Variants in ZPBP observed in about 807,000 individuals in gnomAD.
The protein encoded by ZPBP is zona pellucida binding protein, also known as zona pellucida-binding protein 1.
ZPBP carries 26 observed loss-of-function variants against 44.8 expected under a neutral mutation model. The ratio of observed to expected loss-of-function variants is 0.58; its 90% CI spans 0.43 to 0.81. The LOEUF (loss-of-function observed/expected upper bound fraction) is 0.81, where lower values mean the gene tolerates loss of function less well. Among genes scored for constraint, ZPBP ranks in the 30% least tolerant of loss-of-function variants. ZPBP has a pLI of 0.00. For synonymous variants in ZPBP, 174 were observed against 153.2 expected, an observed-to-expected ratio of 1.14 and a Z score of -1.00; for missense variants, 409 against 434.0, an observed-to-expected ratio of 0.94 and a Z score of 0.51.
At chr7:50,082,689 T>C (rs1487130448) in intron 2 of ZPBP, among the ~76,000 whole-genome samples, 1 of 151,898 alleles carries the variant, frequency 6.6e-6, no homozygotes, top group African/African-American at 2.4e-5. Context: ...TAAAGCATGA[T>C]GTTTATTGAA....
At chr7:49,989,648 T>C (rs1486899446) in intron 6 of ZPBP, among the ~76,000 whole-genome samples, 1 of 152,216 alleles carries the variant, frequency 6.6e-6, no homozygotes, top group East Asian at 1.9e-4. Context: ...CATTCATTAG[T>C]TGCTTTTAAG....
chr7:49,934,053 T>A (rs373317177), downstream of ZPBP, among the ~76,000 whole-genome samples: 1 of 142,874 alleles, frequency 7.0e-6, no homozygotes. Context: ...AAAGTATAAT[T>A]AAAAAAAAAA....
intron 4 of ZPBP, among the ~76,000 whole-genome samples, chr7:50,034,000 A>G (rs969674416): frequency 3.3e-5 from 5 of 152,046 alleles, no homozygotes; most frequent in African/African-American, 1.2e-4. Context: ...GCCTTGCTAC[A>G]GTTTATATAA....
chr7:49,945,673 T>A (rs142817553), intron 7 of ZPBP, among the ~76,000 whole-genome samples: 2 of 152,248 alleles, frequency 1.3e-5, no homozygotes, highest in East Asian at 3.9e-4. Context: ...CCTGCTCTTT[T>A]CTGGTTTTGC....
intron 6 of ZPBP, among the ~76,000 whole-genome samples, chr7:49,990,341 C>T (rs911682761): frequency 6.6e-5 from 10 of 152,134 alleles, no homozygotes; most frequent in South Asian, 4.1e-4. Flanking sequence ...GGGTGAAAGC[C>T]GCTTTGACAC....
At chr7:49,917,030 T>C (rs1793760201) in intron 1 of ZPBP, 1 of 152,224 alleles carries the variant, frequency 6.6e-6, no homozygotes, top group Non-Finnish European at 1.5e-5. Flanking sequence ...TTGTTTACTT[T>C]CTTATTTCTA....
chr7:49,914,948 T>C (rs1049837992), intron 1 of ZPBP: 1 of 152,238 alleles, frequency 6.6e-6, no homozygotes, highest in Non-Finnish European at 1.5e-5. Flanking sequence ...AAATGATTTG[T>C]TCAAGTTAAT....
chr7:50,069,199 A>T (rs1801696489), intron 3 of ZPBP, among the ~76,000 whole-genome samples: 1 of 152,150 alleles, frequency 6.6e-6, no homozygotes, highest in Non-Finnish European at 1.5e-5. Context: ...AGCCTGGTAA[A>T]TGGGTAGATT....
intron 7 of ZPBP, among the ~76,000 whole-genome samples, chr7:49,982,247 T>C (rs1487313781): frequency 9.1e-6 from 1 of 109,412 alleles, no homozygotes; most frequent in African/African-American, 3.6e-5. Context: ...ATAATTATAT[T>C]ATATATTTAT....
chr7:49,944,682 G>C (rs1385998509), intron 7 of ZPBP, among the ~76,000 whole-genome samples: 2 of 151,992 alleles, frequency 1.3e-5, no homozygotes, highest in African/African-American at 4.8e-5. Context: ...AGCCTCTAAT[G>C]ATCCTTTGAA....
At chr7:50,021,113 G>T (rs1799072947) in intron 5 of ZPBP, among the ~76,000 whole-genome samples, 2 of 151,926 alleles carry the variant, frequency 1.3e-5, no homozygotes, top group African/African-American at 2.4e-5. Context: ...AAAAAAAATA[G>T]TAGTTATATA....
At chr7:50,087,424 G>A (rs560828511) in intron 2 of ZPBP, among the ~76,000 whole-genome samples, 12 of 152,010 alleles carry the variant, frequency 7.9e-5, no homozygotes, top group African/African-American at 2.2e-4. Context: ...CATTATCGTC[G>A]CCATACATGG....
chr7:49,958,070 C>T (rs1486105167), intron 7 of ZPBP, among the ~76,000 whole-genome samples: 1 of 152,204 alleles, frequency 6.6e-6, no homozygotes, highest in Admixed American at 6.5e-5. Flanking sequence ...TTATCCCTTT[C>T]TTCTTGCCTA....
chr7:50,008,556 T>G (rs1343641484), intron 6 of ZPBP, among the ~76,000 whole-genome samples: 1 of 152,012 alleles, frequency 6.6e-6, no homozygotes, highest in African/African-American at 2.4e-5. Context: ...AGACCCTTAC[T>G]TGCCCAACAA....
chr7:50,036,185 G>T (rs1020092164), intron 4 of ZPBP, among the ~76,000 whole-genome samples: 2 of 152,182 alleles, frequency 1.3e-5, no homozygotes, highest in African/African-American at 4.8e-5. Context: ...ACAGAGTCTT[G>T]CCCTGTTGCC....
intron 2 of ZPBP, among the ~76,000 whole-genome samples, chr7:49,896,519 A>G (rs557629938): frequency 4.6e-5 from 7 of 152,208 alleles, no homozygotes; most frequent in Non-Finnish European, 7.3e-5. Context: ...AAAGCAATGG[A>G]AAGAAAAAAT....
chr7:50,092,922 T>TA (rs1373188685), intron 1 of ZPBP, 146 bp downstream of exon 1: 2 of 1,266,432 alleles, frequency 1.6e-6, no homozygotes, highest in Admixed American at 3.2e-5. Flanking sequence ...ACGACTTCCA[T>TA]AAAAAATAAG....
intron 7 of ZPBP, among the ~76,000 whole-genome samples, chr7:49,951,283 C>G (rs1005413776): frequency 6.6e-6 from 1 of 151,574 alleles, no homozygotes; most frequent in Non-Finnish European, 1.5e-5. Context: ...AAGCAGAGAA[C>G]AGGTAAAAAT....
rs367989305 is a variant in ZPBP, at chr7:49,862,326, C to T, written n.510-11812G>A. On this transcript the variant is annotated intron_variant and non_coding_transcript_variant, in intron 2 of 2. Transcript: ENST00000465922. ...TTTTTTTGTGTGTCAATCTTGTAAC[C>T]AGCAAGTTTTCTGAGTTCAATTATT... Among the ~76,000 whole-genome samples, 232 of 152,200 alleles carry T rather than the reference C, an allele frequency of 1.5e-3. 3 individuals carry two copies. Among genetic ancestry groups the T allele is most frequent in the African/African-American group, 5.3e-3 (222 of 41,550 alleles).
Sources: allele counts gnomAD v4.1 joint callset (sites outside exome capture counted in the v4.1 genomes callset), GRCh38; gene constraint gnomAD v4.1.1; transcripts MANE v1.5; gene names NCBI Gene and HGNC (gene_info 2026-07-23, HGNC 2026-07-21).